Variants in HEMK2 observed in about 807,000 individuals in gnomAD.
HEMK2 encodes HemK methyltransferase 2, ETF1 glutamine and histone H4 lysine.
chr21:28,663,166 G>A, the HEMK2 span, among the ~76,000 whole-genome samples: 3 of 152,148 alleles, frequency 2.0e-5, no homozygotes, highest in South Asian at 2.1e-4. Context: ...TGATAAAGAC[G>A]CTGGAAGAAA....
chr21:28,848,681 CTA>C, the HEMK2 span, among the ~76,000 whole-genome samples: 3 of 152,116 alleles, frequency 2.0e-5, no homozygotes, highest in African/African-American at 7.2e-5. Context: ...ATTGATAAAA[CTA>C]TAGTTTTCCT....
the HEMK2 span, among the ~76,000 whole-genome samples, chr21:28,693,963 G>A: frequency 6.6e-6 from 1 of 152,100 alleles, no homozygotes. Context: ...CCAGGAAAAT[G>A]TACCCATTTA....
the HEMK2 span, among the ~76,000 whole-genome samples, chr21:28,831,749 AAGAAAGAAAGAAAGAAAGAAAG>A: frequency 6.0e-5 from 9 of 148,804 alleles, 1 homozygote; most frequent in African/African-American, 2.3e-4. Context: ...GAAAGAAAGA[AAGAAAGAAAGAAAGAAAGAAAG>A]AAACAGTATC....
chr21:28,873,206 C>A, the HEMK2 span: 1 of 152,130 alleles, frequency 6.6e-6, no homozygotes, highest in Non-Finnish European at 1.5e-5. Flanking sequence ...TCCTTGATAT[C>A]CCATAACTTA....
chr21:28,750,754 T>C, the HEMK2 span, among the ~76,000 whole-genome samples: 2 of 149,390 alleles, frequency 1.3e-5, no homozygotes, highest in East Asian at 3.9e-4. Context: ...TAAGCAATAT[T>C]CCCAGGCTCA....
chr21:28,622,058 G>T, the HEMK2 span, among the ~76,000 whole-genome samples: 3 of 151,992 alleles, frequency 2.0e-5, no homozygotes, highest in South Asian at 6.2e-4. Flanking sequence ...TTCATTTTGA[G>T]CCTATGTATG....
chr21:28,641,501 C>T, the HEMK2 span, among the ~76,000 whole-genome samples: 1,991 of 152,256 alleles, frequency 0.013, 20 homozygotes, highest in Non-Finnish European at 0.018. Context: ...CCACCCATTT[C>T]CTAACAGAAC....
chr21:28,797,140 G>C, the HEMK2 span, among the ~76,000 whole-genome samples: 2 of 152,024 alleles, frequency 1.3e-5, no homozygotes, highest in Admixed American at 6.5e-5. Flanking sequence ...ATGTACACTT[G>C]GCAGAAGTCA....
At chr21:28,773,493 A>C in the HEMK2 span, among the ~76,000 whole-genome samples, 6 of 152,318 alleles carry the variant, frequency 3.9e-5, no homozygotes, top group Admixed American at 3.9e-4. Flanking sequence ...TCTCTCTTTT[A>C]ATATCTAAAA....
chr21:28,730,383 GACAC>G, the HEMK2 span, among the ~76,000 whole-genome samples: 870 of 115,524 alleles, frequency 7.5e-3, 14 homozygotes, highest in East Asian at 0.12. Context: ...AACACACACA[GACAC>G]ACACACACAC....
At chr21:28,769,448 T>C in the HEMK2 span, among the ~76,000 whole-genome samples, 3 of 152,060 alleles carry the variant, frequency 2.0e-5, no homozygotes, top group Non-Finnish European at 4.4e-5. Flanking sequence ...AGATACTTGG[T>C]TCCTAATAGC....
chr21:28,743,337 G>A, the HEMK2 span: 8 of 152,194 alleles, frequency 5.3e-5, no homozygotes, highest in Non-Finnish European at 1.2e-4. Context: ...ACATTTGCTA[G>A]AGCTACTATA....
the HEMK2 span, among the ~76,000 whole-genome samples, chr21:28,831,089 G>T: frequency 1.3e-5 from 2 of 152,060 alleles, no homozygotes; most frequent in African/African-American, 2.4e-5. Context: ...GTAGGGGCAG[G>T]AGGGATGCCA....
the HEMK2 span, among the ~76,000 whole-genome samples, chr21:28,754,462 G>A: frequency 1.3e-5 from 2 of 152,210 alleles, no homozygotes; most frequent in African/African-American, 4.8e-5. Context: ...TGATTACAAT[G>A]CCTAAAAATA....
chr21:28,624,386 C>T, the HEMK2 span, among the ~76,000 whole-genome samples: 1 of 152,184 alleles, frequency 6.6e-6, no homozygotes, highest in Admixed American at 6.5e-5. Context: ...AATCACTTCT[C>T]TCCGTAATAC....
At chr21:28,675,684 G>A in the HEMK2 span, among the ~76,000 whole-genome samples, 2 of 152,194 alleles carry the variant, frequency 1.3e-5, no homozygotes, top group East Asian at 1.9e-4. Flanking sequence ...CTTGGAGCTG[G>A]GAAAGGCACA....
the HEMK2 span, among the ~76,000 whole-genome samples, chr21:28,703,445 A>G: frequency 6.6e-6 from 1 of 152,132 alleles, no homozygotes; most frequent in African/African-American, 2.4e-5. Context: ...AATAAAGCCA[A>G]CCTCATTAAG....
the HEMK2 span, among the ~76,000 whole-genome samples, chr21:28,748,735 T>C: frequency 1.3e-5 from 2 of 152,184 alleles, no homozygotes; most frequent in Non-Finnish European, 2.9e-5. Context: ...ATTTTAAAAA[T>C]TGGTTCATCT....
At chr21:28,718,790 T>C in the HEMK2 span, among the ~76,000 whole-genome samples, 5 of 152,114 alleles carry the variant, frequency 3.3e-5, no homozygotes, top group African/African-American at 1.2e-4. Context: ...AAGAAAATTG[T>C]TTAACAAAAG....
Sources: allele counts gnomAD v4.1 joint callset (sites outside exome capture counted in the v4.1 genomes callset), GRCh38; gene constraint gnomAD v4.1.1; transcripts MANE v1.5; gene names NCBI Gene and HGNC (gene_info 2026-07-23, HGNC 2026-07-21).